ZNF682: variants seen among roughly 807,000 people sequenced by gnomAD.
The protein encoded by ZNF682 is zinc finger protein 682.
A neutral mutation model predicts 36.5 loss-of-function variants in ZNF682; 29 were observed. That is an observed-to-expected ratio of 0.80 (90% CI 0.59 to 1.08). The LOEUF (loss-of-function observed/expected upper bound fraction) is 1.08, where lower values mean the gene tolerates loss of function less well. Ranked by LOEUF, ZNF682 falls within the 50% of genes least tolerant of loss-of-function variation. ZNF682 has a pLI of 0.00. For synonymous variants in ZNF682, 180 were observed against 197.0 expected (o/e 0.91, Z 0.72); for missense variants, 561 against 579.7 (o/e 0.97, Z 0.33).
chr19:20,011,462 AT>A (rs550260012), intron 3 of ZNF682, among the ~76,000 whole-genome samples: 136 of 152,354 alleles, frequency 8.9e-4, no homozygotes, highest in Non-Finnish European at 1.7e-3. Context: ...GCACTTGACC[AT>A]AGACATCTAC....
At chr19:20,029,530 G>C (rs1191188456) in intron 1 of ZNF682, among the ~76,000 whole-genome samples, 1 of 151,136 alleles carries the variant, frequency 6.6e-6, no homozygotes, top group Non-Finnish European at 1.5e-5. Context: ...GAACTTGGGA[G>C]GCAGAGGTTG....
chr19:20,028,538 C>T (rs976955010), intron 1 of ZNF682, among the ~76,000 whole-genome samples: 13 of 152,044 alleles, frequency 8.6e-5, no homozygotes, highest in African/African-American at 2.2e-4. Context: ...AAGGAGTCCA[C>T]GGATTGGCTT....
intron 3 of ZNF682, among the ~76,000 whole-genome samples, chr19:20,013,503 C>G (rs1229252338): frequency 6.6e-6 from 1 of 152,160 alleles, no homozygotes; most frequent in African/African-American, 2.4e-5. Context: ...TAGCAGAATA[C>G]ACAGTCTTCT....
chr19:20,008,185 G>C (rs1208645820), intron 3 of ZNF682: 1 of 152,294 alleles, frequency 6.6e-6, no homozygotes, highest in African/African-American at 2.4e-5. Flanking sequence ...TCAGCACACA[G>C]AGAAGTCATG....
chr19:20,005,910 A>G lies in ZNF682; in HGVS notation c.*95T>C, dbSNP rs2088210531. On this transcript the variant is annotated 3_prime_UTR_variant, in exon 4 of 4. Transcript: ENST00000397165. ...CTTCACATTTGTAGTGTTTCTCTCCAGTATGAATTATCTTGTGATTTCAAT... is the reference window on the plus strand; with the variant it reads ...CTTCACATTTGTAGTGTTTCTCTCCGGTATGAATTATCTTGTGATTTCAAT... The G allele has an allele frequency of 4.3e-6, 5 of 1,176,454 alleles. No homozygotes were observed. The highest frequency in any genetic ancestry group is 2.0e-4 in the Middle Eastern group (1 of 4,978). The allele number at this position is 1,176,454 out of a possible 1,614,324, so 72.9% of individuals were successfully genotyped here.
intron 3 of ZNF682, among the ~76,000 whole-genome samples, chr19:20,018,076 T>A (rs1362046082): frequency 1.2e-5 from 1 of 80,794 alleles, no homozygotes; most frequent in Non-Finnish European, 2.5e-5. Flanking sequence ...GATTCTCAAA[T>A]TCTTTTTTTT....
rs2088210425 is a variant in ZNF682, at chr19:20,005,895, G to C, written c.*110C>G. On this transcript the variant is annotated 3_prime_UTR_variant, in exon 4 of 4. Coordinates refer to ENST00000397165, the MANE Select transcript of ZNF682 (RefSeq NM_033196.3). ...GACTTTCCCCACATTCTTCACATTTGTAGTGTTTCTCTCCAGTATGAATTA... is the reference window on the plus strand; with the variant it reads ...GACTTTCCCCACATTCTTCACATTTCTAGTGTTTCTCTCCAGTATGAATTA... 1.9e-6 allele frequency: 2 copies of C among 1,052,342 alleles called. No homozygotes were observed. The highest frequency in any genetic ancestry group is 3.3e-5 in the South Asian group (2 of 59,984). 65.2% of individuals were successfully genotyped at this position (1,052,342 alleles called of 1,614,324 possible). A position where few individuals can be genotyped will look rare whatever the true frequency, so the allele number is the denominator to read the frequency against.
In ZNF682 at chr19:20,005,022, A is replaced by C. The variant is rs891669311; in HGVS notation, c.*983T>G. 1 of 152,072 alleles carries C rather than the reference A, an allele frequency of 6.6e-6. No homozygotes were observed. Among genetic ancestry groups the C allele is most frequent in the South Asian group, 2.1e-4 (1 of 4,824 alleles). 9.4% of individuals were successfully genotyped at this position (152,072 alleles called of 1,614,324 possible). ...ATCTTCTGATGTTCATTTAGACTTA[A>C]TTTTTTATTAATTTTTTATATTTAC... On this transcript the variant is annotated 3_prime_UTR_variant, in exon 4 of 4. Coordinates refer to ENST00000397165, the MANE Select transcript of ZNF682 (RefSeq NM_033196.3).
intron 3 of ZNF682, among the ~76,000 whole-genome samples, chr19:19,998,144 G>A (rs2088139368): frequency 6.6e-6 from 1 of 152,156 alleles, no homozygotes; most frequent in Non-Finnish European, 1.5e-5. Flanking sequence ...ACCAGTCTGA[G>A]GACAGGTGAC....
chr19:20,006,074 T>A lies in ZNF682; in HGVS notation c.1428A>T (p.Arg476Ser), dbSNP rs1438501565. ...SHLNEHKRVQRGEKSCKYKKC... is the reference protein window; with the variant it reads ...SHLNEHKRVQSGEKSCKYKKC... Reference sequence around the variant, plus strand: ...TTTTATACTTGCAGGATTTCTCTCCTCTTTGAACTCTCTTATGTTCATTAA... The same window carrying A: ...TTTTATACTTGCAGGATTTCTCTCCACTTTGAACTCTCTTATGTTCATTAA... Residue 476 changes from arginine (R) to serine (S), a missense_variant, in exon 4 of 4, where the codon AGA becomes AGT. Arg to Ser is a moderately radical substitution (Grantham distance 110, BLOSUM62 -1). Coordinates refer to ENST00000397165, the MANE Select transcript of ZNF682 (RefSeq NM_033196.3). 1.9e-6 allele frequency: 3 copies of A among 1,612,840 alleles called. No homozygotes were observed. The highest frequency in any genetic ancestry group is 3.3e-4 in the Middle Eastern group (2 of 6,056).
At chr19:20,015,920 G>T in intron 3 of ZNF682, 1 of 394,920 alleles carries the variant, frequency 2.5e-6, no homozygotes, top group South Asian at 1.3e-4. Context: ...ATAAAACACT[G>T]ATTATGAATT....
chr19:20,023,207 T>G, intron 2 of ZNF682, 108 bp from the exon 3 acceptor site: 3 of 1,046,976 alleles, frequency 2.9e-6, no homozygotes, highest in Admixed American at 5.0e-5. Flanking sequence ...TTCTAGAAAA[T>G]TAATAATAAG....
rs1448534615 is a variant in ZNF682, at chr19:20,023,054, C to G, written c.176G>C (p.Arg59Thr). Residue 59 changes from arginine (R) to threonine (T), a missense_variant, in exon 3 of 4, where the codon AGA becomes ACA. Transcript: ENST00000397165. ...KPELISRLEQRQEPWNVKRHE... is the reference protein window; with the variant it reads ...KPELISRLEQTQEPWNVKRHE... ...TCTCTTCACATTCCAGGGCTCCTGT[C>G]TTTGCTCCAGACGGCTAATCAGTTC... The G allele has an allele frequency of 2.2e-5, 35 of 1,614,116 alleles. No individual in the cohort carries two copies. Among genetic ancestry groups the G allele is most frequent in the Non-Finnish European group, 2.9e-5 (34 of 1,179,984 alleles).
intron 3 of ZNF682, among the ~76,000 whole-genome samples, chr19:20,011,940 G>A (rs2088291811): frequency 6.6e-6 from 1 of 152,032 alleles, no homozygotes; most frequent in African/African-American, 2.4e-5. Context: ...GGGAGAGTGA[G>A]GCAGGAGAAT....
At chr19:20,003,576 G>A (rs1412810910), downstream of ZNF682, among the ~76,000 whole-genome samples, 1 of 151,792 alleles carries the variant, frequency 6.6e-6, no homozygotes, top group African/African-American at 2.4e-5. Context: ...GTGGTGGTGG[G>A]CACCTGTAGT....
chr19:20,019,275 G>T (rs1178133963), intron 3 of ZNF682, among the ~76,000 whole-genome samples: 1 of 152,130 alleles, frequency 6.6e-6, no homozygotes, highest in Non-Finnish European at 1.5e-5. Flanking sequence ...ATGGAAAATT[G>T]AGAGGCCTTT....
intron 3 of ZNF682, among the ~76,000 whole-genome samples, chr19:20,012,095 T>C (rs1284879051): frequency 2.0e-5 from 3 of 150,946 alleles, no homozygotes; most frequent in Admixed American, 6.6e-5. Context: ...GCAAAAGCAG[T>C]GTTAGGAGGG....
intron 3 of ZNF682, among the ~76,000 whole-genome samples, chr19:20,012,963 C>T (rs767366669): frequency 6.6e-6 from 1 of 151,926 alleles, no homozygotes; most frequent in African/African-American, 2.4e-5. Context: ...ATAGTAACCC[C>T]TTCTCTATCA....
At chr19:20,000,912 T>C (rs1599598946), downstream of ZNF682, among the ~76,000 whole-genome samples, 1 of 152,146 alleles carries the variant, frequency 6.6e-6, no homozygotes, top group Admixed American at 6.5e-5. Context: ...ACCACTAACC[T>C]TGGCCAGCAC....
Sources: gnomAD v4.1 joint callset for allele counts (sites outside exome capture counted in the v4.1 genomes callset) on GRCh38, gnomAD v4.1.1 for gene constraint, MANE v1.5 for transcripts, NCBI Gene and HGNC (gene_info 2026-07-23, HGNC 2026-07-21) for gene names.